Variants in STAB2 observed in about 807,000 individuals in gnomAD.
STAB2 encodes stabilin-2.
Under a neutral mutation model 338.1 loss-of-function variants are expected in STAB2, and 288 were observed. That is an observed-to-expected ratio of 0.85 (90% CI 0.77 to 0.94). The LOEUF (loss-of-function observed/expected upper bound fraction) is 0.94. Among genes scored for constraint, STAB2 ranks in the 40% least tolerant of loss-of-function variants. The pLI is 0.00. For missense variants in STAB2, 3,141 were observed against 3,210.1 expected (o/e 0.98, Z 0.52); for synonymous variants, 1,202 against 1,193.3 (o/e 1.01, Z -0.15).
intron 31 of STAB2, among the ~76,000 whole-genome samples, chr12:103,693,937 G>T (rs1406962174): frequency 6.6e-6 from 1 of 151,534 alleles, no homozygotes. Flanking sequence ...CGGATCACAA[G>T]GTCAAGAGAT....
chr12:103,659,852 G>C (rs1290302437), intron 15 of STAB2, among the ~76,000 whole-genome samples: 1 of 152,226 alleles, frequency 6.6e-6, no homozygotes, highest in East Asian at 1.9e-4. Context: ...TAAATGACCT[G>C]TATGTGGTCT....
intron 3 of STAB2, among the ~76,000 whole-genome samples, chr12:103,596,510 T>G (rs1168983897): frequency 6.6e-6 from 1 of 152,162 alleles, no homozygotes; most frequent in African/African-American, 2.4e-5. Context: ...AAAACTGTAG[T>G]TGAGATTTTA....
chr12:103,695,988 C>G (rs1878371594), intron 33 of STAB2, 144 bp downstream of exon 33: 2 of 775,982 alleles, frequency 2.6e-6, no homozygotes, highest in East Asian at 2.7e-5. Flanking sequence ...CAGAGACTCT[C>G]TCATACACAA....
At chr12:103,685,237 TG>T (rs145731786) in intron 27 of STAB2, among the ~76,000 whole-genome samples, 153 bp downstream of exon 27, 1,925 of 152,330 alleles carry the variant, frequency 0.013, 44 homozygotes, top group African/African-American at 0.042. Context: ...ACATGCTCTG[TG>T]GGTCACGTTT....
chr12:103,590,947 A>T lies in STAB2; in HGVS notation c.132A>T (p.Arg44=). ...TTCTTACAATTAGGACCGAGTGCCG[A>T]TCCTGCGCTCTCAACCTTGGAGTCA... ...KSLLTIRTEC[R]SCALNLGVKC... is the part of the protein sequence containing the mutation. The change falls in exon 2 of 69, where the codon CGA becomes CGT. Residue 44 remains arginine (R), a synonymous_variant. Coordinates refer to ENST00000388887, the MANE Select transcript of STAB2 (RefSeq NM_017564.10). 1 of 1,614,134 alleles carries T rather than the reference A, an allele frequency of 6.2e-7. No homozygotes were observed. The highest frequency in any genetic ancestry group is 2.2e-5 in the East Asian group (1 of 44,878).
chr12:103,732,037 A>G (rs1167764674), intron 50 of STAB2, among the ~76,000 whole-genome samples: 4 of 152,252 alleles, frequency 2.6e-5, no homozygotes, highest in Non-Finnish European at 5.9e-5. Context: ...TGGCAGGCAC[A>G]GTGGCTCACA....
rs769131066 is a variant in STAB2, at chr12:103,689,927, G to T, written c.3127G>T (p.Asp1043Tyr). ...VPSQQATEDM[D>Y]QDEKSFWLSQ... ...TTCCCAACAAGCTACTGAGGACATGGACCAGGATGAGAAAAGCTTCTGGTT... is the reference window on the plus strand; with the variant it reads ...TTCCCAACAAGCTACTGAGGACATGTACCAGGATGAGAAAAGCTTCTGGTT... Residue 1043 changes from aspartate (D) to tyrosine (Y), a missense_variant, in exon 29 of 69, where the codon GAC (aspartate) becomes TAC (tyrosine). Coordinates refer to ENST00000388887, the MANE Select transcript of STAB2 (RefSeq NM_017564.10). The T allele has an allele frequency of 1.2e-6, 2 of 1,614,040 alleles. No homozygotes were observed. Among genetic ancestry groups the T allele is most frequent in the African/African-American group, 2.7e-5 (2 of 74,912 alleles).
chr12:103,733,108 G>A lies in STAB2; in HGVS notation c.5386G>A (p.Asp1796Asn), dbSNP rs751354627. Residue 1796 changes from aspartate (D) to asparagine (N), a missense_variant, in exon 51 of 69, where the codon GAC becomes AAC. Coordinates refer to ENST00000388887, the MANE Select transcript of STAB2 (RefSeq NM_017564.10). ...CCATGCCCTACCTGCTGAACAACAG[G>A]ACTTCCTGTTCAACCAAGACAACAA... ...ALHALPAEQQDFLFNQDNKDK... is the reference protein window; with the variant it reads ...ALHALPAEQQNFLFNQDNKDK... The A allele has an allele frequency of 1.1e-5, 17 of 1,614,090 alleles. No individual in the cohort carries two copies. In the South Asian group the frequency reaches 1.5e-4, roughly 15 times the overall value.
intron 3 of STAB2, among the ~76,000 whole-genome samples, chr12:103,612,068 A>C (rs1007390740): frequency 1.3e-5 from 2 of 152,170 alleles, no homozygotes; most frequent in Non-Finnish European, 2.9e-5. Flanking sequence ...TGTTAGTCTG[A>C]TGGGCTTCTC....
At chr12:103,605,421 CAGTT>C (rs148594702) in intron 3 of STAB2, among the ~76,000 whole-genome samples, 48,594 of 151,506 alleles carry the variant, frequency 0.32, 9,889 homozygotes, top group African/African-American at 0.58. Flanking sequence ...CTGTAAATGT[CAGTT>C]AGGTCAAATT....
At chr12:103,661,678 A>G (rs1874633602) in intron 17 of STAB2, among the ~76,000 whole-genome samples, 2 of 152,246 alleles carry the variant, frequency 1.3e-5, no homozygotes, top group Admixed American at 1.3e-4. Context: ...CTCATGGGGA[A>G]GAAACATCTG....
In STAB2 at chr12:103,735,532, C is replaced by T. The variant is rs571869736; in HGVS notation, c.5502C>T (p.Thr1834=). The change falls in exon 52 of 69, where the codon ACC becomes ACT. Residue 1834 remains threonine (T), a synonymous_variant. Transcript: ENST00000388887. The stretch of plus-strand genomic sequence containing the variant: ...TTCCCACATCCACTGCCTGGAAGAC[C>T]CTGCAAGGTTCAGAGCTGAGTGTGA... ...VDLPTSTAWK[T]LQGSELSVKC... is the part of the protein sequence containing the mutation. 1 of 1,612,266 alleles carries T rather than the reference C, an allele frequency of 6.2e-7. No homozygotes were observed. Among genetic ancestry groups the T allele is most frequent in the Admixed American group, 1.7e-5 (1 of 59,828 alleles).
chr12:103,744,529 T>TTG (rs1357360059), intron 56 of STAB2, among the ~76,000 whole-genome samples: 2 of 150,448 alleles, frequency 1.3e-5, no homozygotes, highest in Non-Finnish European at 3.0e-5. Flanking sequence ...TACAGTGGTG[T>TTG]GATCACAGCT....
chr12:103,761,324 A>G lies in STAB2; in HGVS notation c.7273A>G (p.Arg2425Gly). 1 of 1,614,028 alleles carries G rather than the reference A, an allele frequency of 6.2e-7. No individual in the cohort carries two copies. Among genetic ancestry groups the G allele is most frequent in the Non-Finnish European group, 8.5e-7 (1 of 1,179,924 alleles). The change falls in exon 66 of 69, where the codon AGA (arginine) becomes GGA (glycine). Residue 2425 changes from arginine to glycine, a missense_variant. Physicochemically the swap from Arg to Gly is moderately radical, Grantham distance 125. Coordinates refer to ENST00000388887, the MANE Select transcript of STAB2 (RefSeq NM_017564.10). Reference sequence around the variant, plus strand: ...GACGGAGACCAGGTTTGTTGATGGAAGAGCCATTCTGCAGTGGGACATCTT... The same window carrying G: ...GACGGAGACCAGGTTTGTTGATGGAGGAGCCATTCTGCAGTGGGACATCTT... The part of the protein sequence containing the change: ...QPTETRFVDG[R>G]AILQWDIFAS...
chr12:103,633,949 A>G (rs1046793007), intron 6 of STAB2, among the ~76,000 whole-genome samples: 11 of 152,162 alleles, frequency 7.2e-5, no homozygotes, highest in African/African-American at 1.7e-4. Context: ...TGTGTCCCCA[A>G]TTCTAAGAAT....
rs753614959 is a variant in STAB2 at position 103,749,003 on chromosome 12, G to T, written c.6285G>T (p.Lys2095Asn). The T allele has an allele frequency of 4.3e-6, 7 of 1,614,142 alleles. No individual in the cohort carries two copies. The East Asian group carries it at 1.6e-4, about 36-fold the overall frequency. The change falls in exon 59 of 69, where the codon AAG (lysine) becomes AAT (asparagine). Residue 2095 changes from lysine to asparagine, a missense_variant. By Grantham distance (94) the Lys-to-Asn change is moderately conservative. Coordinates refer to ENST00000388887, the MANE Select transcript of STAB2 (RefSeq NM_017564.10). ...AACAGGACAACGGGGGCTGTGCAAAGGTGGCCAGATGCTCCCAGAAGGGCA... is the reference window on the plus strand; with the variant it reads ...AACAGGACAACGGGGGCTGTGCAAATGTGGCCAGATGCTCCCAGAAGGGCA... ...FCKQDNGGCA[K>N]VARCSQKGTK...
chr12:103,753,135 T>A, intron 60 of STAB2, 85 bp from the exon 61 acceptor site: 1 of 1,551,894 alleles, frequency 6.4e-7, no homozygotes, highest in Non-Finnish European at 8.8e-7. Context: ...CTGGCCTTCA[T>A]TTTGAAAGTC....
At chr12:103,644,523 A>T (rs1873187442) in intron 9 of STAB2, among the ~76,000 whole-genome samples, 1 of 148,068 alleles carries the variant, frequency 6.8e-6, no homozygotes, top group Non-Finnish European at 1.5e-5. Context: ...CCCAAGAATG[A>T]TCAATAAAAA....
At position 103,763,484 on chromosome 12, in the gene STAB2, C is replaced by T. The variant is rs1291072802; in HGVS notation, c.7489-8C>T. ...GCTCCTGGCTTTCATGCTTGTCTTT[C>T]CAAACAGTCGGAAGAGGACATTAAT... On this transcript the variant is annotated splice_region_variant and splice_polypyrimidine_tract_variant and intron_variant, in intron 67 of 68. Coordinates refer to ENST00000388887, the MANE Select transcript of STAB2 (RefSeq NM_017564.10). The T allele has an allele frequency of 6.2e-7, 1 of 1,613,276 alleles. No individual in the cohort carries two copies. Among genetic ancestry groups the T allele is most frequent in the Non-Finnish European group, 8.5e-7 (1 of 1,179,422 alleles).
Sources: allele counts gnomAD v4.1 joint callset (sites outside exome capture counted in the v4.1 genomes callset), GRCh38; gene constraint gnomAD v4.1.1; transcripts MANE v1.5; gene names NCBI Gene and HGNC (gene_info 2026-07-23, HGNC 2026-07-21).